ADGRB3: variants seen among roughly 807,000 people sequenced by gnomAD.
The protein encoded by ADGRB3 is adhesion G protein-coupled receptor B3.
ADGRB3 carries 37 observed loss-of-function variants against 193.4 expected under a neutral mutation model. The observed-to-expected ratio is 0.19, with a 90% CI of 0.15 to 0.25. The LOEUF is 0.25. Among genes scored for constraint, ADGRB3 ranks in the 10% least tolerant of loss-of-function variants. ADGRB3 has a pLI of 1.00. For synonymous variants in ADGRB3, 690 were observed against 644.2 expected (o/e 1.07, Z -1.08); for missense variants, 1,637 against 1,852.9 (o/e 0.88, Z 2.14).
At chr6:69,334,053 A>C (rs1364230575) in intron 24 of ADGRB3, among the ~76,000 whole-genome samples, 1 of 151,606 alleles carries the variant, frequency 6.6e-6, no homozygotes, top group African/African-American at 2.4e-5. Context: ...AACGTCTCAT[A>C]TATAGATTGT....
intron 20 of ADGRB3, among the ~76,000 whole-genome samples, chr6:69,307,576 A>G (rs1298610840): frequency 1.3e-5 from 2 of 151,616 alleles, no homozygotes; most frequent in Non-Finnish European, 2.9e-5. Flanking sequence ...GGGCTTGACC[A>G]GGTCTTGTCT....
intron 17 of ADGRB3, among the ~76,000 whole-genome samples, chr6:69,219,085 G>A (rs1765833947): frequency 6.6e-6 from 1 of 151,896 alleles, no homozygotes; most frequent in Non-Finnish European, 1.5e-5. Context: ...TTAAGTTAGT[G>A]AAATTTGAAC....
intron 20 of ADGRB3, among the ~76,000 whole-genome samples, chr6:69,324,602 C>T (rs1343579418): frequency 6.6e-6 from 1 of 152,106 alleles, no homozygotes; most frequent in Non-Finnish European, 1.5e-5. Flanking sequence ...TAATTTTAAT[C>T]TCCCTTGAGT....
At chr6:69,035,458 G>A (rs1033576573) in intron 13 of ADGRB3, among the ~76,000 whole-genome samples, 8 of 152,090 alleles carry the variant, frequency 5.3e-5, no homozygotes, top group African/African-American at 1.7e-4. Flanking sequence ...GTCAAGAGAG[G>A]AGTTGGTTGA....
At chr6:69,234,444 T>G (rs1766218639) in intron 18 of ADGRB3, among the ~76,000 whole-genome samples, 1 of 152,162 alleles carries the variant, frequency 6.6e-6, no homozygotes, top group Admixed American at 6.5e-5. Flanking sequence ...AAAATATACT[T>G]GAAGGTTTTA....
At chr6:68,695,698 C>T (rs1453259592) in intron 3 of ADGRB3, among the ~76,000 whole-genome samples, 1 of 151,986 alleles carries the variant, frequency 6.6e-6, no homozygotes, top group Non-Finnish European at 1.5e-5. Context: ...GCGAGTGAGA[C>T]TTGCAGTCTA....
intron 17 of ADGRB3, among the ~76,000 whole-genome samples, chr6:69,219,637 T>C (rs921387922): frequency 6.6e-6 from 1 of 151,266 alleles, no homozygotes; most frequent in Non-Finnish European, 1.5e-5. Context: ...TGCTAAAAGA[T>C]TATGTAACTC....
chr6:69,167,376 A>T (rs16900553), intron 17 of ADGRB3, among the ~76,000 whole-genome samples: 1 of 152,014 alleles, frequency 6.6e-6, no homozygotes, highest in Non-Finnish European at 1.5e-5. Context: ...GTATATTAGA[A>T]GGAACACATT....
chr6:68,892,786 A>C (rs1361599939), intron 3 of ADGRB3, among the ~76,000 whole-genome samples: 4 of 152,194 alleles, frequency 2.6e-5, no homozygotes, highest in African/African-American at 9.6e-5. Context: ...TTATATAGAC[A>C]AATTGGCAAA....
intron 17 of ADGRB3, among the ~76,000 whole-genome samples, chr6:69,127,085 C>G (rs114443891): frequency 6.6e-6 from 1 of 152,160 alleles, no homozygotes; most frequent in Non-Finnish European, 1.5e-5. Flanking sequence ...TTAGACTTCC[C>G]TGTTCCCACC....
At chr6:68,938,933 G>A (rs1767561570) in intron 5 of ADGRB3, among the ~76,000 whole-genome samples, 3 of 152,154 alleles carry the variant, frequency 2.0e-5, no homozygotes, top group African/African-American at 7.2e-5. Flanking sequence ...TACAGGGATA[G>A]TATTATGGCA....
rs7773209 is a variant in ADGRB3 at position 68,692,524 on chromosome 6, A to G, written c.757+53092A>G. On this transcript the variant is annotated intron_variant, in intron 3 of 31. Transcript: ENST00000370598. ...CAATGCATTTAAATTTCTGTATGCT[A>G]CACCGTTTCTTCACCTTGGTTTAAA... Among the ~76,000 whole-genome samples the G allele has an allele frequency of 2.9e-3, 438 of 151,912 alleles. 1 individual carries two copies. Among genetic ancestry groups the G allele is most frequent in the African/African-American group, 0.01 (425 of 41,516 alleles).
intron 17 of ADGRB3, among the ~76,000 whole-genome samples, chr6:69,140,692 G>A (rs1250894019): frequency 6.6e-6 from 1 of 152,236 alleles, no homozygotes; most frequent in South Asian, 2.1e-4. Context: ...TGTTTGAGGT[G>A]ATGGATACCC....
Position 68,660,857 on chromosome 6 carries a change from G to A in ADGRB3, c.757+21425G>A, listed in dbSNP as rs1395853516. On this transcript the variant is annotated intron_variant, in intron 3 of 31. Transcript: ENST00000370598. ...TAACTCATGCTATGTTACAATAGTT[G>A]TGGATGGCAGGCATGTACACAATTT... Among the ~76,000 whole-genome samples, 4 of 151,038 alleles carry A rather than the reference G, an allele frequency of 2.6e-5. No homozygotes were observed. In the East Asian group the frequency reaches 7.8e-4, roughly 29 times the overall value.
At chr6:68,656,505 T>C (rs531106369) in intron 3 of ADGRB3, among the ~76,000 whole-genome samples, 10 of 151,710 alleles carry the variant, frequency 6.6e-5, no homozygotes, top group East Asian at 1.9e-4. Context: ...GCAAAAATGT[T>C]GTTGTAATTA....
chr6:68,637,864 A>G (rs983836766), intron 2 of ADGRB3, among the ~76,000 whole-genome samples: 1 of 151,362 alleles, frequency 6.6e-6, no homozygotes, highest in Non-Finnish European at 1.5e-5. Flanking sequence ...GATCCACTTT[A>G]TGTATCCCAA....
intron 3 of ADGRB3, among the ~76,000 whole-genome samples, chr6:68,757,129 CCTGTTCTTTT>C (rs1766312478): frequency 6.6e-6 from 1 of 152,232 alleles, no homozygotes; most frequent in Admixed American, 6.5e-5. Flanking sequence ...ATTCATCCCT[CCTGTTCTTTT>C]CTGTTCTTTT....
chr6:68,963,939 A>G (rs1768306734), intron 8 of ADGRB3, among the ~76,000 whole-genome samples: 1 of 152,142 alleles, frequency 6.6e-6, no homozygotes. Context: ...CACTGAGCCT[A>G]GTTAAATATA....
chr6:68,826,260 G>A (rs1185214556), intron 3 of ADGRB3, among the ~76,000 whole-genome samples: 1 of 152,198 alleles, frequency 6.6e-6, no homozygotes, highest in African/African-American at 2.4e-5. Context: ...AAAGAGTATA[G>A]AGAGTGTCGG....
Sources: gnomAD v4.1 joint callset for allele counts (sites outside exome capture counted in the v4.1 genomes callset) on GRCh38, gnomAD v4.1.1 for gene constraint, MANE v1.5 for transcripts, NCBI Gene and HGNC (gene_info 2026-07-23, HGNC 2026-07-21) for gene names.